The following AFAP1L2 variants were observed in gnomAD, a reference collection of about 807,000 sequenced individuals.
AFAP1L2 encodes actin filament associated protein 1 like 2.
A neutral mutation model predicts 99.3 loss-of-function variants in AFAP1L2; 46 were observed. That is an observed-to-expected ratio of 0.46 (90% CI 0.37 to 0.59). The LOEUF (loss-of-function observed/expected upper bound fraction) is 0.59. Among genes scored for constraint, AFAP1L2 ranks in the 20% least tolerant of loss-of-function variants. AFAP1L2 has a pLI of 0.00. For synonymous variants in AFAP1L2, 397 were observed against 419.1 expected (o/e 0.95, Z 0.64); for missense variants, 959 against 1,034.9 (o/e 0.93, Z 1.01).
intron 1 of AFAP1L2, among the ~76,000 whole-genome samples, chr10:114,343,186 C>A (rs1347695450): frequency 6.6e-6 from 1 of 152,178 alleles, no homozygotes; most frequent in South Asian, 2.1e-4. Flanking sequence ...TTACATAATA[C>A]ACTCACAACA....
At chr10:114,396,968 C>A (rs896384038) in intron 1 of AFAP1L2, among the ~76,000 whole-genome samples, 2 of 152,176 alleles carry the variant, frequency 1.3e-5, no homozygotes, top group East Asian at 1.9e-4. Flanking sequence ...GCATACACCT[C>A]CAGAACCATT....
downstream of AFAP1L2, chr10:114,291,343 C>G: frequency 4.5e-6 from 6 of 1,346,392 alleles, no homozygotes; most frequent in Non-Finnish European, 6.0e-6. Flanking sequence ...GTCTGTGCCC[C>G]AGGTCCTTAG....
chr10:114,297,017 G>A lies in AFAP1L2; in HGVS notation c.2391C>T (p.Val797=), dbSNP rs150322336. The change falls in exon 18 of 19, where the codon GTC becomes GTT. Residue 797 remains valine (V), a synonymous_variant. Coordinates refer to ENST00000304129, the MANE Select transcript of AFAP1L2 (RefSeq NM_001001936.3). ...GTACAGTGCCTTTGCCTGTGACCACGACCGAGAGAGGCCTGTTCTTGAGTG... is the reference window on the plus strand; with the variant it reads ...GTACAGTGCCTTTGCCTGTGACCACAACCGAGAGAGGCCTGTTCTTGAGTG... ...ATTLKNRPLS[V]VVTGKGTVLQ... is the part of the protein sequence containing the mutation. 2.0e-5 allele frequency: 32 copies of A among 1,614,092 alleles called. No homozygotes were observed. The highest frequency in any genetic ancestry group is 2.3e-5 in the Non-Finnish European group (27 of 1,180,032).
At chr10:114,398,667 G>A (rs1027435664) in intron 1 of AFAP1L2, among the ~76,000 whole-genome samples, 1 of 152,262 alleles carries the variant, frequency 6.6e-6, no homozygotes, top group Non-Finnish European at 1.5e-5. Context: ...GCCCAAGGTC[G>A]CATAGCGAGT....
At chr10:114,284,146 G>T in the AFAP1L2 span, among the ~76,000 whole-genome samples, 3 of 152,270 alleles carry the variant, frequency 2.0e-5, no homozygotes, top group Non-Finnish European at 4.4e-5. Context: ...AGACGCTTCA[G>T]AATGGGCCAC....
intron 1 of AFAP1L2, among the ~76,000 whole-genome samples, chr10:114,396,757 C>G (rs896113072): frequency 6.6e-6 from 1 of 152,208 alleles, no homozygotes; most frequent in South Asian, 2.1e-4. Context: ...GAGTCTAATG[C>G]TCTTATATTC....
At chr10:114,351,829 TC>T (rs1377695047) in intron 1 of AFAP1L2, among the ~76,000 whole-genome samples, 1 of 152,118 alleles carries the variant, frequency 6.6e-6, no homozygotes, top group African/African-American at 2.4e-5. Flanking sequence ...AGCAGCCACC[TC>T]CGCCCTTCCC....
intron 4 of AFAP1L2, among the ~76,000 whole-genome samples, chr10:114,327,148 TATATA>T (rs1358870044): frequency 0.028 from 130 of 4,574 alleles, 3 homozygotes; most frequent in African/African-American, 0.065. Flanking sequence ...TATATATATT[TATATA>T]TATATATATA....
downstream of AFAP1L2, chr10:114,290,308 A>C: frequency 1.9e-6 from 3 of 1,550,564 alleles, no homozygotes; most frequent in Non-Finnish European, 2.6e-6. Flanking sequence ...CGTCCTGCAG[A>C]ATGGGAGCTA....
intron 3 of AFAP1L2, among the ~76,000 whole-genome samples, 158 bp downstream of exon 3, chr10:114,333,063 C>G (rs766360158): frequency 8.5e-5 from 13 of 152,126 alleles, no homozygotes; most frequent in Non-Finnish European, 1.8e-4. Context: ...TACATCAACC[C>G]AAAATACGAC....
At chr10:114,332,497 G>A (rs1335492695) in intron 3 of AFAP1L2, among the ~76,000 whole-genome samples, 2 of 152,244 alleles carry the variant, frequency 1.3e-5, no homozygotes, top group African/African-American at 4.8e-5. Flanking sequence ...GGTGGCTGAT[G>A]TCTCAAAGAC....
intron 4 of AFAP1L2, among the ~76,000 whole-genome samples, chr10:114,325,646 C>T (rs2046153881): frequency 6.6e-6 from 1 of 152,246 alleles, no homozygotes; most frequent in East Asian, 1.9e-4. Context: ...CACCTCTGCC[C>T]AGGCTCCTGC....
chr10:114,370,096 A>T (rs899314112), intron 1 of AFAP1L2, among the ~76,000 whole-genome samples: 2 of 152,210 alleles, frequency 1.3e-5, no homozygotes, highest in African/African-American at 4.8e-5. Flanking sequence ...TAGTGTCTCA[A>T]GTTTTCTCCA....
chr10:114,332,827 T>G (rs2047433681), intron 3 of AFAP1L2, among the ~76,000 whole-genome samples: 1 of 152,208 alleles, frequency 6.6e-6, no homozygotes, highest in East Asian at 1.9e-4. Flanking sequence ...TTAAGGCAGT[T>G]GCTGACACCA....
intron 1 of AFAP1L2, among the ~76,000 whole-genome samples, chr10:114,351,099 G>A (rs542757334): frequency 6.6e-6 from 1 of 152,332 alleles, no homozygotes; most frequent in South Asian, 2.1e-4. Flanking sequence ...AGAACAAGAG[G>A]CTGATGGGGG....
intron 1 of AFAP1L2, among the ~76,000 whole-genome samples, chr10:114,360,633 G>T (rs1182857212): frequency 6.6e-6 from 1 of 152,082 alleles, no homozygotes; most frequent in Admixed American, 6.5e-5. Flanking sequence ...AGTACAGAGA[G>T]CTTCTGCAAA....
intron 7 of AFAP1L2, among the ~76,000 whole-genome samples, chr10:114,312,236 T>A (rs925403037): frequency 2.2e-3 from 1 of 448 alleles, no homozygotes; most frequent in African/African-American, 2.6e-3. Flanking sequence ...AAGAGCAGAG[T>A]GTGTGTGTGT....
chr10:114,282,161 G>A, the AFAP1L2 span, among the ~76,000 whole-genome samples: 140 of 151,992 alleles, frequency 9.2e-4, no homozygotes, highest in African/African-American at 3.2e-3. Context: ...ATGCCACCAC[G>A]CCCAGCTAAT....
At chr10:114,287,539 TCTG>T in the AFAP1L2 span, among the ~76,000 whole-genome samples, 1 of 152,118 alleles carries the variant, frequency 6.6e-6, no homozygotes, top group Non-Finnish European at 1.5e-5. Flanking sequence ...CAGATGTGAT[TCTG>T]CTTCTCAGCC....
Sources: gnomAD v4.1 joint callset for allele counts (sites outside exome capture counted in the v4.1 genomes callset) on GRCh38, gnomAD v4.1.1 for gene constraint, MANE v1.5 for transcripts, NCBI Gene and HGNC (gene_info 2026-07-23, HGNC 2026-07-21) for gene names.